The following RBFOX1 variants were observed in gnomAD, a reference collection of about 807,000 sequenced individuals.
The protein encoded by RBFOX1 is RNA binding fox-1 homolog 1.
A neutral mutation model predicts 57.7 loss-of-function variants in RBFOX1; 8 were observed. The ratio of observed to expected loss-of-function variants is 0.14; its 90% CI spans 0.08 to 0.25. The LOEUF is 0.25. RBFOX1 is among the 10% of genes least tolerant of loss of function. The probability of loss-of-function intolerance (pLI) is 1.00; values close to 1 mark genes in which losing one functional copy is unlikely to be tolerated. For synonymous variants in RBFOX1, 326 were observed against 222.4 expected (o/e 1.47, Z -4.15); for missense variants, 611 against 548.5 (o/e 1.11, Z -1.14).
intron 1 of RBFOX1, among the ~76,000 whole-genome samples, chr16:6,074,520 T>A (rs148499770): frequency 6.6e-6 from 1 of 152,284 alleles, no homozygotes; most frequent in African/African-American, 2.4e-5. Context: ...ACCAAATATC[T>A]ATGATGCTTG....
intron 3 of RBFOX1, among the ~76,000 whole-genome samples, chr16:6,987,114 G>A (rs373220776): frequency 9.3e-4 from 142 of 152,226 alleles, no homozygotes; most frequent in South Asian, 6.2e-3. Flanking sequence ...TCAGCGTCTT[G>A]TGTGGGTGTA....
intron 4 of RBFOX1, among the ~76,000 whole-genome samples, chr16:5,948,088 G>A (rs892993018): frequency 6.6e-6 from 1 of 152,148 alleles, no homozygotes; most frequent in Admixed American, 6.5e-5. Context: ...TGTGGGCATG[G>A]TGAGTCTATG....
chr16:6,977,416 CATT>C (rs949009250), intron 3 of RBFOX1, among the ~76,000 whole-genome samples: 31 of 152,022 alleles, frequency 2.0e-4, no homozygotes, highest in African/African-American at 7.2e-4. Context: ...GTTTAGCAAA[CATT>C]ATTTACTTGT....
At chr16:7,599,651 CTTTTT>C in intron 9 of RBFOX1, among the ~76,000 whole-genome samples, 1 of 67,234 alleles carries the variant, frequency 1.5e-5, no homozygotes, top group South Asian at 4.7e-4. Flanking sequence ...TTTTTTTTTT[CTTTTT>C]TTTTTTTGAG....
chr16:7,130,610 G>A (rs2070043158), intron 4 of RBFOX1, among the ~76,000 whole-genome samples: 1 of 152,264 alleles, frequency 6.6e-6, no homozygotes, highest in South Asian at 2.1e-4. Flanking sequence ...CATATGTAGG[G>A]TCTGCAGTGG....
rs151326472 is a variant in RBFOX1 at position 6,495,883 on chromosome 16, T to G, written c.-63-158720T>G. On this transcript the variant is annotated intron_variant, in intron 2 of 15. Transcript: ENST00000550418. ...TATTCACAACATAAAGGTATCTGTT[T>G]GTAACAGAATATTGTTTGGCTGCTT... Among the ~76,000 whole-genome samples, 267 of 152,360 alleles carry G rather than the reference T, an allele frequency of 1.8e-3. 2 individuals carry two copies. Among genetic ancestry groups the G allele is most frequent in the Non-Finnish European group, 3.0e-3 (206 of 68,032 alleles).
At chr16:6,388,843 T>C (rs2152929111) in intron 2 of RBFOX1, among the ~76,000 whole-genome samples, 1 of 152,290 alleles carries the variant, frequency 6.6e-6, no homozygotes, top group East Asian at 1.9e-4. Context: ...AACATACAAA[T>C]ACACCATCTC....
intron 2 of RBFOX1, among the ~76,000 whole-genome samples, chr16:5,496,113 G>A (rs1258319713): frequency 2.0e-5 from 3 of 151,918 alleles, no homozygotes; most frequent in Admixed American, 6.6e-5. Context: ...GTGACAGTGC[G>A]AGACTCCATC....
intron 4 of RBFOX1, among the ~76,000 whole-genome samples, chr16:5,908,197 C>CACATATATACACATATATACAT (rs1555443850): frequency 4.5e-5 from 5 of 110,536 alleles, no homozygotes; most frequent in African/African-American, 1.8e-4. Context: ...CACATATATA[C>CACATATATACACATATATACAT]ATATACACAC....
intron 2 of RBFOX1, chr16:6,483,744 GCAGAGGAGCA>G: frequency 7.0e-7 from 1 of 1,429,938 alleles, no homozygotes; most frequent in South Asian, 1.5e-5. Context: ...GCTGCCTGTG[GCAGAGGAGCA>G]GCCGTCAGCC....
chr16:7,251,313 C>T (rs2094491511), intron 4 of RBFOX1, among the ~76,000 whole-genome samples: 1 of 151,922 alleles, frequency 6.6e-6, no homozygotes, highest in Admixed American at 6.6e-5. Context: ...TGACATCCTC[C>T]AGGTTCATCC....
At chr16:6,196,065 A>G (rs140517364) in intron 1 of RBFOX1, among the ~76,000 whole-genome samples, 1 of 152,266 alleles carries the variant, frequency 6.6e-6, no homozygotes, top group East Asian at 1.9e-4. Flanking sequence ...TACCATACAC[A>G]GTATGCTTAC....
chr16:6,447,692 T>C (rs1226656844), intron 2 of RBFOX1, among the ~76,000 whole-genome samples: 1 of 152,220 alleles, frequency 6.6e-6, no homozygotes, highest in Non-Finnish European at 1.5e-5. Flanking sequence ...AAAATTAGAA[T>C]TCATAATCCA....
intron 3 of RBFOX1, among the ~76,000 whole-genome samples, chr16:6,732,181 T>C (rs9646297): frequency 0.91 from 137,873 of 152,228 alleles, 64,069 homozygotes; most frequent in East Asian, 1. Context: ...TTTCCAAAGA[T>C]TGACTTTCCC....
At chr16:6,913,218 AT>A (rs986802861) in intron 3 of RBFOX1, among the ~76,000 whole-genome samples, 3 of 152,172 alleles carry the variant, frequency 2.0e-5, no homozygotes, top group Admixed American at 2.0e-4. Context: ...AAAACAGGGT[AT>A]CGGAAATTAT....
At chr16:6,407,277 C>G (rs766143440) in intron 2 of RBFOX1, among the ~76,000 whole-genome samples, 1 of 151,870 alleles carries the variant, frequency 6.6e-6, no homozygotes, top group Non-Finnish European at 1.5e-5. Flanking sequence ...TGCCTATGTC[C>G]AAGTCTATAT....
intron 4 of RBFOX1, among the ~76,000 whole-genome samples, chr16:5,941,216 G>C (rs922527422): frequency 2.0e-5 from 3 of 152,108 alleles, no homozygotes; most frequent in Non-Finnish European, 4.4e-5. Context: ...GGGCCCAGGA[G>C]TGATTGCTCA....
At chr16:6,711,570 G>A (rs1039929162) in intron 3 of RBFOX1, among the ~76,000 whole-genome samples, 1 of 152,170 alleles carries the variant, frequency 6.6e-6, no homozygotes, top group Non-Finnish European at 1.5e-5. Flanking sequence ...CTCACTCTCT[G>A]TCTCTCCTGA....
chr16:7,488,714 C>G (rs1387827375), intron 4 of RBFOX1, among the ~76,000 whole-genome samples: 1 of 152,170 alleles, frequency 6.6e-6, no homozygotes, highest in Non-Finnish European at 1.5e-5. Flanking sequence ...CCTTATCTAG[C>G]TATACATTCA....
Sources: gnomAD v4.1 joint callset for allele counts (sites outside exome capture counted in the v4.1 genomes callset) on GRCh38, gnomAD v4.1.1 for gene constraint, MANE v1.5 for transcripts, NCBI Gene and HGNC (gene_info 2026-07-23, HGNC 2026-07-21) for gene names.